ST6GALNAC2: variants seen among roughly 807,000 people sequenced by gnomAD.
ST6GALNAC2 encodes ST6 N-acetylgalactosaminide alpha-2,6-sialyltransferase 2.
In ST6GALNAC2, 42 loss-of-function variants were observed where a neutral mutation model predicts 38.7. The ratio of observed to expected loss-of-function variants is 1.09; its 90% CI spans 0.85 to 1.40. The LOEUF (loss-of-function observed/expected upper bound fraction) is 1.40. Ranked by LOEUF, ST6GALNAC2 falls within the 40% of genes most tolerant of loss-of-function variation. The pLI is 0.00. For missense variants in ST6GALNAC2, 506 were observed against 481.7 expected, an observed-to-expected ratio of 1.05 and a Z score of -0.47; for synonymous variants, 233 against 209.0, an observed-to-expected ratio of 1.11 and a Z score of -0.99.
At chr17:76,566,793 C>T (rs1315402890) in intron 8 of ST6GALNAC2, among the ~76,000 whole-genome samples, 5 of 152,002 alleles carry the variant, frequency 3.3e-5, no homozygotes, top group African/African-American at 1.2e-4. Context: ...ATCATCACAC[C>T]ACTGCACTTA....
intron 5 of ST6GALNAC2, 103 bp downstream of exon 5, chr17:76,572,534 T>C: frequency 7.3e-7 from 1 of 1,372,258 alleles, no homozygotes; most frequent in Non-Finnish European, 1.0e-6. Context: ...CCCCTCAGCA[T>C]CCACTGGACC....
At chr17:76,568,423 G>GAC in intron 7 of ST6GALNAC2, 2 of 472,834 alleles carry the variant, frequency 4.2e-6, no homozygotes, top group South Asian at 2.9e-5. Flanking sequence ...CACTGCTGCT[G>GAC]TGCACCTTAT....
chr17:76,575,347 G>C (rs1272012585), intron 2 of ST6GALNAC2, among the ~76,000 whole-genome samples: 2 of 152,190 alleles, frequency 1.3e-5, no homozygotes, highest in Non-Finnish European at 2.9e-5. Flanking sequence ...TCATTACCCA[G>C]AGCCTTGGAA....
intron 1 of ST6GALNAC2, among the ~76,000 whole-genome samples, chr17:76,584,070 G>T (rs1361073684): frequency 6.6e-6 from 1 of 151,236 alleles, no homozygotes; most frequent in African/African-American, 2.4e-5. Flanking sequence ...CGCCTGCCTC[G>T]GCCTCCCAAA....
rs190337898 is a variant in ST6GALNAC2, at chr17:76,569,394, G to A, written c.774-598C>T. On this transcript the variant is annotated intron_variant, in intron 6 of 8. Coordinates refer to ENST00000225276, the MANE Select transcript of ST6GALNAC2 (RefSeq NM_006456.3). ...CAGACTGGGAGGGAGATTTGGAGGT[G>A]GGTGGGGTGGGGGTTTGGGCAGCCC... The A allele has an allele frequency of 2.2e-3, 887 of 395,728 alleles. 6 individuals carry two copies. The highest frequency in any genetic ancestry group is 0.017 in the African/African-American group (792 of 47,284). 24.5% of individuals were successfully genotyped at this position (395,728 alleles called of 1,614,324 possible).
intron 2 of ST6GALNAC2, among the ~76,000 whole-genome samples, chr17:76,574,980 C>G (rs892176340): frequency 3.3e-5 from 5 of 152,136 alleles, no homozygotes; most frequent in Non-Finnish European, 7.4e-5. Flanking sequence ...CTGGCCCATC[C>G]TTGCATTTTT....
intron 2 of ST6GALNAC2, among the ~76,000 whole-genome samples, chr17:76,577,061 T>A (rs1393410338): frequency 4.4e-5 from 1 of 22,978 alleles, no homozygotes; most frequent in African/African-American, 5.1e-5. Flanking sequence ...ATTCTTTTTT[T>A]TCTTTTTTTT....
Position 76,573,252 on chromosome 17 carries a change from C to T in ST6GALNAC2, c.473G>A (p.Gly158Asp). Residue 158 changes from glycine to aspartate, a missense_variant, in exon 4 of 9, where the codon GGC becomes GAC. Coordinates refer to ENST00000225276, the MANE Select transcript of ST6GALNAC2 (RefSeq NM_006456.3). The surrounding 1 kb of genome is among the most constrained non-coding windows in gnomAD (Gnocchi z 5.1). Reference sequence around the variant, plus strand: ...ACCCTGGCGGGACCCATTCAGAATGCCTCCGTTGCCCACCACGGCACACCG... The same window carrying T: ...ACCCTGGCGGGACCCATTCAGAATGTCTCCGTTGCCCACCACGGCACACCG... ...CIRCAVVGNGGILNGSRQGPN... is the reference protein window; with the variant it reads ...CIRCAVVGNGDILNGSRQGPN... 1 of 1,613,124 alleles carries T rather than the reference C, an allele frequency of 6.2e-7. No homozygotes were observed. Among genetic ancestry groups the T allele is most frequent in the Non-Finnish European group, 8.5e-7 (1 of 1,179,672 alleles).
At chr17:76,570,713 T>G in intron 5 of ST6GALNAC2, 45 bp from the exon 6 acceptor site, 1 of 1,477,960 alleles carries the variant, frequency 6.8e-7, no homozygotes, top group Non-Finnish European at 9.3e-7. Flanking sequence ...CCAGGACATG[T>G]TTAGCTCCTC....
Position 76,573,160 on chromosome 17 carries a change from C to G in ST6GALNAC2, c.530+35G>C, listed in dbSNP as rs1471970907. 305 of 1,126,760 alleles carry G rather than the reference C, an allele frequency of 2.7e-4. No individual in the cohort carries two copies. The highest frequency in any genetic ancestry group is 3.6e-4 in the Non-Finnish European group (275 of 756,910). The allele number at this position is 1,126,760 out of a possible 1,614,324, so 69.8% of individuals were successfully genotyped here. A position where few individuals can be genotyped will look rare whatever the true frequency, so the allele number is the denominator to read the frequency against. Reference sequence around the variant, plus strand: ...ACACCCCCACCCTCCAGGCAACTCTCCCTCCCGCCCCTCCCCAGCTCCTAC... The same window carrying G: ...ACACCCCCACCCTCCAGGCAACTCTGCCTCCCGCCCCTCCCCAGCTCCTAC... On this transcript the variant is annotated intron_variant, in intron 4 of 8. Transcript: ENST00000225276. The surrounding 1 kb of genome is among the most constrained non-coding windows in gnomAD (Gnocchi z 5.1).
rs1161908173 is a variant in ST6GALNAC2 at position 76,573,860 on chromosome 17, AG to A, written c.362-498del. Among the ~76,000 whole-genome samples, 1 of 152,008 alleles carries A rather than the reference AG, an allele frequency of 6.6e-6. No individual in the cohort carries two copies. The highest frequency in any genetic ancestry group is 1.5e-5 in the Non-Finnish European group (1 of 67,996). On this transcript the variant is annotated intron_variant, in intron 3 of 8. Coordinates refer to ENST00000225276, the MANE Select transcript of ST6GALNAC2 (RefSeq NM_006456.3). This position sits in a 1 kb window ranked among gnomAD's most constrained non-coding sequence, Gnocchi z 5.1. ...AGAATCACTTGAACCCGGGAGGCGG[AG>A]GTTGTAGTGAGCTGAGATTGTGCCA...
chr17:76,570,758 G>T, intron 5 of ST6GALNAC2, 90 bp from the exon 6 acceptor site: 1 of 944,386 alleles, frequency 1.1e-6, no homozygotes, highest in Non-Finnish European at 1.6e-6. Flanking sequence ...CTTGCCCCCT[G>T]AGCCGACTGG....
chr17:76,573,043 T>A lies in ST6GALNAC2; in HGVS notation c.530+152A>T. The A allele has an allele frequency of 1.1e-6, 1 of 927,760 alleles. No homozygotes were observed. Among genetic ancestry groups the A allele is most frequent in the Non-Finnish European group, 1.6e-6 (1 of 632,868 alleles). The allele number at this position is 927,760 out of a possible 1,614,324, so 57.5% of individuals were successfully genotyped here. A position where few individuals can be genotyped will look rare whatever the true frequency, so the allele number is the denominator to read the frequency against. Reference sequence around the variant, plus strand: ...CCCATGCTCCGTCCTCAGGGCCTACTGTTTGTTTTTGCCTTGTCCATGCCC... The same window carrying A: ...CCCATGCTCCGTCCTCAGGGCCTACAGTTTGTTTTTGCCTTGTCCATGCCC... On this transcript the variant is annotated intron_variant, in intron 4 of 8. Coordinates refer to ENST00000225276, the MANE Select transcript of ST6GALNAC2 (RefSeq NM_006456.3). The surrounding 1 kb of genome is among the most constrained non-coding windows in gnomAD (Gnocchi z 5.1).
At chr17:76,571,854 T>C (rs2143297744) in intron 5 of ST6GALNAC2, among the ~76,000 whole-genome samples, 1 of 152,132 alleles carries the variant, frequency 6.6e-6, no homozygotes, top group East Asian at 1.9e-4. Context: ...TGGGTGTGGG[T>C]GGAGGAACCT....
At position 76,565,573 on chromosome 17, in the gene ST6GALNAC2, CA is replaced by C. The variant is rs71158023; in HGVS notation, c.*530del. 58,921 of 143,150 alleles carry C rather than the reference CA, an allele frequency of 0.41. 11,658 individuals are homozygous for C. Among genetic ancestry groups the C allele is most frequent in the South Asian group, 0.55 (2,528 of 4,574 alleles). 8.9% of individuals were successfully genotyped at this position (143,150 alleles called of 1,614,324 possible). A position where few individuals can be genotyped will look rare whatever the true frequency, so the allele number is the denominator to read the frequency against. ...GTTTTATATGATTTCTCTACCCAGC[CA>C]AAAAAAAAAAAATGGTCCATCATGT... On this transcript the variant is annotated 3_prime_UTR_variant, in exon 9 of 9. Coordinates refer to ENST00000225276, the MANE Select transcript of ST6GALNAC2 (RefSeq NM_006456.3).
chr17:76,573,460 G>A lies in ST6GALNAC2; in HGVS notation c.362-97C>T. On this transcript the variant is annotated intron_variant, in intron 3 of 8. Transcript: ENST00000225276. This position sits in a 1 kb window ranked among gnomAD's most constrained non-coding sequence, Gnocchi z 5.1. ...GTTCTGGTGCCCCATCTCCCCTGAG[G>A]CCTGACCCTAGCCCCTCCCAAGAAG... The A allele has an allele frequency of 2.4e-6, 3 of 1,233,940 alleles. No homozygotes were observed. The highest frequency in any genetic ancestry group is 3.2e-6 in the Non-Finnish European group (3 of 923,546). The allele number at this position is 1,233,940 out of a possible 1,614,324, so 76.4% of individuals were successfully genotyped here. A position where few individuals can be genotyped will look rare whatever the true frequency, so the allele number is the denominator to read the frequency against.
intron 2 of ST6GALNAC2, among the ~76,000 whole-genome samples, chr17:76,577,331 A>G (rs1319602343): frequency 6.6e-6 from 1 of 151,558 alleles, no homozygotes; most frequent in Non-Finnish European, 1.5e-5. Flanking sequence ...GCCTCCCAAA[A>G]GTGCTGGGAT....
At chr17:76,578,882 C>G in intron 1 of ST6GALNAC2, 66 bp from the exon 2 acceptor site, 1 of 1,443,602 alleles carries the variant, frequency 6.9e-7, no homozygotes, top group South Asian at 1.2e-5. Flanking sequence ...AGCTTTTGGA[C>G]TGACCGACCC....
At chr17:76,584,110 G>A (rs1259136666) in intron 1 of ST6GALNAC2, among the ~76,000 whole-genome samples, 2 of 151,592 alleles carry the variant, frequency 1.3e-5, no homozygotes, top group Non-Finnish European at 2.9e-5. Context: ...GAGCCACCGC[G>A]CCCGGCCACA....
Sources: allele counts gnomAD v4.1 joint callset (sites outside exome capture counted in the v4.1 genomes callset), GRCh38; gene constraint gnomAD v4.1.1; non-coding constraint Gnocchi (gnomAD v3.1); transcripts MANE v1.5; gene names NCBI Gene and HGNC (gene_info 2026-07-23, HGNC 2026-07-21).